CCDC171: variants seen among roughly 807,000 people sequenced by gnomAD.
The protein encoded by CCDC171 is coiled-coil domain-containing protein 171.
A neutral mutation model predicts 168.2 loss-of-function variants in CCDC171; 177 were observed. The observed-to-expected ratio is 1.05, with a 90% CI of 0.93 to 1.19. The LOEUF is 1.19. CCDC171 is among the 50% of genes most tolerant of loss of function. The probability of loss-of-function intolerance (pLI) is 0.00; values close to 1 mark genes in which losing one functional copy is unlikely to be tolerated. For synonymous variants in CCDC171, 687 were observed against 540.8 expected, an observed-to-expected ratio of 1.27 and a Z score of -3.75; for missense variants, 1,991 against 1,539.0, an observed-to-expected ratio of 1.29 and a Z score of -4.91.
At chr9:15,895,342 G>A (rs1010381952) in intron 24 of CCDC171, among the ~76,000 whole-genome samples, 1 of 152,068 alleles carries the variant, frequency 6.6e-6, no homozygotes, top group Non-Finnish European at 1.5e-5. Flanking sequence ...CTTGCTAAGT[G>A]TTAGAGAAAG....
chr9:15,861,145 A>G (rs192528299), intron 23 of CCDC171, among the ~76,000 whole-genome samples: 16 of 151,750 alleles, frequency 1.1e-4, no homozygotes, highest in Admixed American at 9.9e-4. Context: ...TCTATTTCCA[A>G]CACTTTACTT....
intron 25 of CCDC171, among the ~76,000 whole-genome samples, chr9:15,953,836 TG>T (rs1829473450): frequency 6.6e-6 from 1 of 152,156 alleles, no homozygotes; most frequent in African/African-American, 2.4e-5. Flanking sequence ...TTTTGATTAC[TG>T]AGTCAATCTG....
At chr9:15,614,438 T>A (rs117689108) in intron 6 of CCDC171, among the ~76,000 whole-genome samples, 93 of 152,356 alleles carry the variant, frequency 6.1e-4, no homozygotes, top group Non-Finnish European at 1.1e-3. Flanking sequence ...TCACTATTCT[T>A]ATTGAGATTC....
At chr9:15,559,042 TGTGA>T (rs896484770) in intron 1 of CCDC171, among the ~76,000 whole-genome samples, 2 of 152,178 alleles carry the variant, frequency 1.3e-5, no homozygotes, top group Non-Finnish European at 1.5e-5. Context: ...GTTGAGCGGT[TGTGA>T]GTGAGTTTCT....
chr9:15,926,961 T>C (rs1403124950), intron 25 of CCDC171, among the ~76,000 whole-genome samples: 4 of 151,706 alleles, frequency 2.6e-5, no homozygotes, highest in African/African-American at 4.8e-5. Flanking sequence ...TTATGACTTA[T>C]TTAATGAATC....
intron 18 of CCDC171, among the ~76,000 whole-genome samples, chr9:15,761,433 T>A (rs1207688578): frequency 6.6e-6 from 1 of 152,114 alleles, no homozygotes; most frequent in Non-Finnish European, 1.5e-5. Flanking sequence ...CTTAAAAAAA[T>A]TATAAAAAGA....
In CCDC171 at chr9:15,730,269, T is replaced by C. The variant is rs989667660; in HGVS notation, c.2049+471T>C. ...ATAAGGTTATATTATATAACTGATA[T>C]TATATAAGGTTATAGTTGTAGGCCA... is the stretch of plus-strand genomic sequence containing the variant. On this transcript the variant is annotated intron_variant, in intron 16 of 25. Coordinates refer to ENST00000380701, the MANE Select transcript of CCDC171 (RefSeq NM_173550.4). Among the ~76,000 whole-genome samples the C allele has an allele frequency of 2.6e-5, 4 of 151,828 alleles. No individual in the cohort carries two copies. The East Asian group carries it at 7.7e-4, about 29-fold the overall frequency.
At chr9:15,608,241 A>G (rs570802104) in intron 6 of CCDC171, among the ~76,000 whole-genome samples, 2 of 152,286 alleles carry the variant, frequency 1.3e-5, no homozygotes, top group African/African-American at 4.8e-5. Context: ...CACATGGGGG[A>G]TTACATTTCA....
downstream of CCDC171, among the ~76,000 whole-genome samples, chr9:15,978,459 A>G (rs922685634): frequency 6.6e-6 from 1 of 152,168 alleles, no homozygotes; most frequent in Non-Finnish European, 1.5e-5. Context: ...GGTCATCATC[A>G]GCTTCAGCGT....
intron 10 of CCDC171, among the ~76,000 whole-genome samples, chr9:15,689,396 G>T (rs1477643232): frequency 7.9e-5 from 12 of 152,092 alleles, no homozygotes; most frequent in Non-Finnish European, 1.8e-4. Flanking sequence ...AAATTGACAA[G>T]CAGATCCTAA....
intron 8 of CCDC171, among the ~76,000 whole-genome samples, chr9:15,665,025 A>T (rs1313719640): frequency 6.6e-6 from 1 of 152,168 alleles, no homozygotes; most frequent in Non-Finnish European, 1.5e-5. Flanking sequence ...TAGTAAAATG[A>T]ACTTCCCACA....
At chr9:15,628,836 C>G (rs1283587815) in intron 7 of CCDC171, among the ~76,000 whole-genome samples, 7 of 152,152 alleles carry the variant, frequency 4.6e-5, no homozygotes, top group Non-Finnish European at 1.0e-4. Flanking sequence ...GACAAAACTT[C>G]CAGAGGAACG....
At chr9:15,602,967 T>G (rs1224908212) in intron 6 of CCDC171, among the ~76,000 whole-genome samples, 2 of 152,052 alleles carry the variant, frequency 1.3e-5, no homozygotes, top group Non-Finnish European at 2.9e-5. Flanking sequence ...CTTATTTAAT[T>G]TTTTTAATTT....
In CCDC171 at chr9:15,864,508, C is replaced by T. The variant is rs770196; in HGVS notation, c.3469-10024C>T. 3.4e-3 allele frequency among the ~76,000 whole-genome samples: 519 copies of T among 151,968 alleles called. 6 individuals are homozygous for T. Among genetic ancestry groups the T allele is most frequent in the Non-Finnish European group, 5.5e-3 (377 of 67,958 alleles). On this transcript the variant is annotated intron_variant, in intron 23 of 25. Coordinates refer to ENST00000380701, the MANE Select transcript of CCDC171 (RefSeq NM_173550.4). ...CCCAGTGTGTGATGTTCCACTTCTT[C>T]TGTCCAAGTGTTCTCATTGTTCAGT...
At chr9:15,766,075 C>G (rs2056706358) in intron 18 of CCDC171, among the ~76,000 whole-genome samples, 3 of 152,036 alleles carry the variant, frequency 2.0e-5, no homozygotes, top group African/African-American at 7.2e-5. Flanking sequence ...TGTTTTCAGC[C>G]TATTATAAAA....
At chr9:16,095,191 G>GA in the CCDC171 span, among the ~76,000 whole-genome samples, 1 of 152,128 alleles carries the variant, frequency 6.6e-6, no homozygotes, top group African/African-American at 2.4e-5. Context: ...TATAGCATGG[G>GA]ATCCCAGTGC....
intron 21 of CCDC171, among the ~76,000 whole-genome samples, chr9:15,793,580 T>A (rs1341902957): frequency 9.6e-6 from 1 of 104,694 alleles, no homozygotes; most frequent in East Asian, 3.9e-4. Flanking sequence ...TTTTTTTTTT[T>A]GAGACAGAGT....
the CCDC171 span, among the ~76,000 whole-genome samples, chr9:16,090,576 C>T: frequency 6.6e-6 from 1 of 152,140 alleles, no homozygotes; most frequent in Non-Finnish European, 1.5e-5. Context: ...TTAAAAAATG[C>T]TCTTTTAGCA....
intron 18 of CCDC171, among the ~76,000 whole-genome samples, chr9:15,755,408 G>C (rs1489544591): frequency 6.6e-6 from 1 of 152,176 alleles, no homozygotes; most frequent in Non-Finnish European, 1.5e-5. Context: ...ATATGAGCTA[G>C]CAATTCACTC....
Sources: gnomAD v4.1 joint callset for allele counts (sites outside exome capture counted in the v4.1 genomes callset) on GRCh38, gnomAD v4.1.1 for gene constraint, MANE v1.5 for transcripts, NCBI Gene and HGNC (gene_info 2026-07-23, HGNC 2026-07-21) for gene names.